The following MN1 variants were observed in gnomAD, a reference collection of about 807,000 sequenced individuals.
MN1 encodes MN1 proto-oncogene, transcriptional regulator, also known as transcriptional activator MN1.
A neutral mutation model predicts 86.9 loss-of-function variants in MN1; 19 were observed. The ratio of observed to expected loss-of-function variants is 0.22; its 90% CI spans 0.15 to 0.32. The LOEUF (loss-of-function observed/expected upper bound fraction) is 0.32. MN1 is among the 10% of genes least tolerant of loss of function. The probability of loss-of-function intolerance (pLI) is 1.00; values close to 1 mark genes in which losing one functional copy is unlikely to be tolerated. For missense variants in MN1, 1,841 were observed against 1,862.0 expected (o/e 0.99, Z 0.21); for synonymous variants, 928 against 849.6 (o/e 1.09, Z -1.60).
intron 1 of MN1, among the ~76,000 whole-genome samples, chr22:27,767,700 T>G (rs921774288): frequency 2.0e-5 from 3 of 151,838 alleles, no homozygotes; most frequent in African/African-American, 7.3e-5. Flanking sequence ...TGGAAATCGG[T>G]GAAATTACCC....
rs1276011005 is a variant in MN1 at position 27,800,429 on chromosome 22, A to G, written c.115T>C (p.Phe39Leu). 1.2e-6 allele frequency: 2 copies of G among 1,614,208 alleles called. No homozygotes were observed. The highest frequency in any genetic ancestry group is 1.7e-5 in the Admixed American group (1 of 60,032). Residue 39 changes from phenylalanine (F) to leucine (L), a missense_variant, in exon 1 of 2, where the codon TTC (phenylalanine) becomes CTC (leucine). Physicochemically the swap from Phe to Leu is conservative, Grantham distance 22. Transcript: ENST00000302326. ...SMNTHFKAPA[F>L]HTGGPPGPVD... ...GGGCCAGGGGGCCCCCCAGTGTGGA[A>G]AGCCGGGGCCTTAAAGTGGGTGTTC...
chr22:27,798,410 G>T lies in MN1; in HGVS notation c.2134C>A (p.Leu712Met). ...FGGSLGGLGQ[L>M]QSPGAGVGLP... ...CCCACGCCCGCCCCGGGCGACTGCA[G>T]CTGACCCAGGCCTCCCAGACTGCCC... Residue 712 changes from leucine to methionine, a missense_variant, in exon 1 of 2, where the codon CTG becomes ATG. Leu to Met is a conservative substitution (Grantham distance 15). Transcript: ENST00000302326. The T allele has an allele frequency of 6.5e-7, 1 of 1,531,798 alleles. No homozygotes were observed. Among genetic ancestry groups the T allele is most frequent in the Non-Finnish European group, 8.7e-7 (1 of 1,148,320 alleles). 94.9% of individuals were successfully genotyped at this position (1,531,798 alleles called of 1,614,324 possible). A position where few individuals can be genotyped will look rare whatever the true frequency, so the allele number is the denominator to read the frequency against.
chr22:27,763,803 G>A (rs932340332), intron 1 of MN1, among the ~76,000 whole-genome samples: 1 of 152,170 alleles, frequency 6.6e-6, no homozygotes, highest in Non-Finnish European at 1.5e-5. Context: ...GAGATATTCC[G>A]GTAAACATGA....
chr22:27,750,760 C>A lies in MN1; in HGVS notation c.*155G>T. The A allele has an allele frequency of 1.7e-6, 1 of 575,412 alleles. No homozygotes were observed. The highest frequency in any genetic ancestry group is 2.0e-5 in the African/African-American group (1 of 48,880). The allele number at this position is 575,412 out of a possible 1,614,324, so 35.6% of individuals were successfully genotyped here. A position where few individuals can be genotyped will look rare whatever the true frequency, so the allele number is the denominator to read the frequency against. On this transcript the variant is annotated 3_prime_UTR_variant, in exon 2 of 2. Coordinates refer to ENST00000302326, the MANE Select transcript of MN1 (RefSeq NM_002430.3). ...TTAACCCTTTCCGGTCCATATGCCA[C>A]TAAGCAGGTACCAACCTAGAGAAAA...
Position 27,784,243 on chromosome 22 carries a change from C to CCCAGG in MN1, c.3781+12515_3781+12519dup, listed in dbSNP as rs765297667. Among the ~76,000 whole-genome samples, 11 of 152,192 alleles carry CCCAGG rather than the reference C, an allele frequency of 7.2e-5. No homozygotes were observed. In the South Asian group the frequency reaches 1.2e-3, roughly 17 times the overall value. ...CAGGGAGCAGGGAACTGAGCCTCCT[C>CCCAGG]CCAGGCCAGGCCAGGCCTGAGTGCA... is the stretch of plus-strand genomic sequence containing the variant. On this transcript the variant is annotated intron_variant, in intron 1 of 1. Transcript: ENST00000302326.
intron 1 of MN1, among the ~76,000 whole-genome samples, chr22:27,788,612 G>T (rs1933169006): frequency 6.6e-6 from 1 of 151,562 alleles, no homozygotes; most frequent in Non-Finnish European, 1.5e-5. Context: ...ACTGAAAAGG[G>T]TCATATCTTT....
Position 27,797,573 on chromosome 22 carries a change from C to T in MN1, c.2971G>A (p.Ala991Thr), listed in dbSNP as rs757223133. The change falls in exon 1 of 2, where the codon GCA (alanine) becomes ACA (threonine). Residue 991 changes from alanine (A) to threonine (T), a missense_variant. Physicochemically the swap from Ala to Thr is moderately conservative, Grantham distance 58. Transcript: ENST00000302326. ...GTCGGTGCCCCGCGCGTCTCGCCTGCGGAGCTTCCCCCGACGGCTGCGCCT... is the reference window on the plus strand; with the variant it reads ...GTCGGTGCCCCGCGCGTCTCGCCTGTGGAGCTTCCCCCGACGGCTGCGCCT... ...ASGAAVGGSS[A>T]GETRGAPTPH... 1.9e-6 allele frequency: 3 copies of T among 1,604,066 alleles called. No homozygotes were observed. The highest frequency in any genetic ancestry group is 1.7e-5 in the Admixed American group (1 of 59,250).
In MN1 at chr22:27,772,623, G is replaced by T. The variant is rs576601620; in HGVS notation, c.3782-21527C>A. Among the ~76,000 whole-genome samples the T allele has an allele frequency of 4.6e-5, 7 of 152,256 alleles. No individual in the cohort carries two copies. In the East Asian group the frequency reaches 1.4e-3, roughly 30 times the overall value. ...GTCTGTGGGGCACCAGGAGAGTGGT[G>T]TGCTGGTGAGAGCCTGGGTGAAGCC... On this transcript the variant is annotated intron_variant, in intron 1 of 1. Coordinates refer to ENST00000302326, the MANE Select transcript of MN1 (RefSeq NM_002430.3).
chr22:27,755,321 T>C (rs1332194893), intron 1 of MN1, among the ~76,000 whole-genome samples: 1 of 151,346 alleles, frequency 6.6e-6, no homozygotes, highest in Middle Eastern at 3.2e-3. Context: ...TGTTGGGGGG[T>C]CAGTCCCAGA....
intron 1 of MN1, among the ~76,000 whole-genome samples, chr22:27,765,676 G>T (rs1030897115): frequency 6.6e-6 from 1 of 152,184 alleles, no homozygotes; most frequent in Non-Finnish European, 1.5e-5. Context: ...GGACAGTAGT[G>T]GGGGGAGCAC....
chr22:27,769,646 G>C (rs1297051509), intron 1 of MN1, among the ~76,000 whole-genome samples: 3 of 136,212 alleles, frequency 2.2e-5, no homozygotes, highest in Non-Finnish European at 4.6e-5. Context: ...TCCGCCTCCT[G>C]GGTTCACACC....
intron 1 of MN1, among the ~76,000 whole-genome samples, chr22:27,771,573 A>G (rs1858257350): frequency 6.6e-6 from 1 of 152,190 alleles, no homozygotes; most frequent in Admixed American, 6.5e-5. Flanking sequence ...AAGATACTTC[A>G]TAACAAATGA....
intron 1 of MN1, among the ~76,000 whole-genome samples, chr22:27,792,222 T>C (rs1269874379): frequency 6.6e-6 from 1 of 151,134 alleles, no homozygotes; most frequent in Non-Finnish European, 1.5e-5. Context: ...CAATAGTTCC[T>C]TATTTCCGGT....
At chr22:27,794,186 G>A (rs946607090) in intron 1 of MN1, among the ~76,000 whole-genome samples, 4 of 152,204 alleles carry the variant, frequency 2.6e-5, no homozygotes, top group Admixed American at 2.6e-4. Context: ...TCAGGGGCCT[G>A]TAGAAAGCTC....
rs751428267 is a variant in MN1 at position 27,800,119 on chromosome 22, C to A, written c.425G>T (p.Gly142Val). Residue 142 changes from glycine (G) to valine (V), a missense_variant, in exon 1 of 2, where the codon GGC becomes GTC. By Grantham distance (109) the Gly-to-Val change is moderately radical (BLOSUM62 -3). Transcript: ENST00000302326. ...RLLGYGGAAG[G>V]LGSQPPFAEG... ...GGCGAAGGGCGGCTGGCTGCCCAGG[C>A]CTCCGGCTGCGCCGCCGTAGCCGAG... 2.5e-6 allele frequency: 4 copies of A among 1,570,258 alleles called. No homozygotes were observed. Among genetic ancestry groups the A allele is most frequent in the Non-Finnish European group, 3.4e-6 (4 of 1,164,070 alleles).
intron 1 of MN1, among the ~76,000 whole-genome samples, chr22:27,780,652 T>C (rs1933041721): frequency 6.6e-6 from 1 of 152,206 alleles, no homozygotes; most frequent in African/African-American, 2.4e-5. Flanking sequence ...GGGATTCTAC[T>C]TCACTGTCAC....
rs1170653052 is a variant in MN1 at position 27,798,676 on chromosome 22, G to C, written c.1868C>G (p.Pro623Arg). ...GRLGTFEQQA[P>R]HLAQESAWFS... ...CCACGCGCTCTCTTGCGCCAAGTGCGGCGCCTGCTGCTCGAAGGTGCCCAG... is the reference window on the plus strand; with the variant it reads ...CCACGCGCTCTCTTGCGCCAAGTGCCGCGCCTGCTGCTCGAAGGTGCCCAG... The change falls in exon 1 of 2, where the codon CCG becomes CGG. Residue 623 changes from proline to arginine, a missense_variant. Transcript: ENST00000302326. 2 of 1,542,692 alleles carry C rather than the reference G, an allele frequency of 1.3e-6. No individual in the cohort carries two copies. The highest frequency in any genetic ancestry group is 2.4e-5 in the South Asian group (2 of 84,166).
intron 1 of MN1, among the ~76,000 whole-genome samples, chr22:27,765,944 G>A (rs972084135): frequency 5.3e-5 from 8 of 152,222 alleles, no homozygotes; most frequent in African/African-American, 1.4e-4. Flanking sequence ...GCCTGTGCCC[G>A]GCACACCCAT....
chr22:27,754,744 G>A lies in MN1; in HGVS notation c.3782-3648C>T, dbSNP rs117093564. Reference sequence around the variant, plus strand: ...AGCTCAAGAGAGGCCCTCAGTCTCCGCTCCTTGAGGCGGTAAGCACGCCAG... The same window carrying A: ...AGCTCAAGAGAGGCCCTCAGTCTCCACTCCTTGAGGCGGTAAGCACGCCAG... On this transcript the variant is annotated intron_variant, in intron 1 of 1. Coordinates refer to ENST00000302326, the MANE Select transcript of MN1 (RefSeq NM_002430.3). Among the ~76,000 whole-genome samples the A allele has an allele frequency of 3.5e-3, 537 of 152,212 alleles. 21 individuals are homozygous for A. The East Asian group carries it at 0.084, about 24-fold the overall frequency.
Sources: gnomAD v4.1 joint callset for allele counts (sites outside exome capture counted in the v4.1 genomes callset) on GRCh38, gnomAD v4.1.1 for gene constraint, MANE v1.5 for transcripts, NCBI Gene and HGNC (gene_info 2026-07-23, HGNC 2026-07-21) for gene names.